Variants in CNTN6 observed in about 807,000 individuals in gnomAD.
The protein encoded by CNTN6 is contactin-6.
In CNTN6, 137 loss-of-function variants were observed where a neutral mutation model predicts 122.8. The ratio of observed to expected loss-of-function variants is 1.12; its 90% CI spans 0.97 to 1.29. The LOEUF is 1.29. Ranked by LOEUF, CNTN6 falls within the 50% of genes most tolerant of loss-of-function variation. The pLI is 0.00. For synonymous variants in CNTN6, 570 were observed against 426.0 expected (o/e 1.34, Z -4.16); for missense variants, 1,634 against 1,223.4 (o/e 1.34, Z -5.01).
chr3:1,146,630 G>T (rs1256862521), intron 1 of CNTN6, among the ~76,000 whole-genome samples: 4 of 151,496 alleles, frequency 2.6e-5, no homozygotes, highest in Admixed American at 6.6e-5. Context: ...CTCTGTTTTT[G>T]TTAAATGTCT....
At chr3:1,240,477 G>A (rs115705637) in intron 4 of CNTN6, among the ~76,000 whole-genome samples, 4,425 of 152,148 alleles carry the variant, frequency 0.029, 118 homozygotes, top group Admixed American at 0.055. Flanking sequence ...AATGCAATAC[G>A]ACCTCCCTCC....
At chr3:1,394,255 A>G (rs1157277896) in intron 20 of CNTN6, 2 of 234,520 alleles carry the variant, frequency 8.5e-6, no homozygotes, top group Non-Finnish European at 1.7e-5. Flanking sequence ...GCCAGGAACA[A>G]GACAGCCAGG....
intron 1 of CNTN6, among the ~76,000 whole-genome samples, chr3:1,099,985 A>G (rs1044861687): frequency 5.3e-5 from 8 of 152,296 alleles, no homozygotes; most frequent in African/African-American, 1.9e-4. Flanking sequence ...CATAAACAGG[A>G]CAATGACTTG....
At chr3:1,150,368 AT>A (rs967123178) in intron 2 of CNTN6, among the ~76,000 whole-genome samples, 34 of 152,204 alleles carry the variant, frequency 2.2e-4, no homozygotes, top group African/African-American at 6.0e-4. Context: ...AATTATTATA[AT>A]TTTTCTAACA....
intron 2 of CNTN6, among the ~76,000 whole-genome samples, chr3:1,212,755 G>T (rs997942237): frequency 4.8e-4 from 73 of 151,970 alleles, no homozygotes; most frequent in Non-Finnish European, 5.0e-4. Flanking sequence ...AACCAACATT[G>T]TTCTTGCTTT....
At chr3:1,134,210 C>G (rs549851558) in intron 1 of CNTN6, among the ~76,000 whole-genome samples, 1 of 152,214 alleles carries the variant, frequency 6.6e-6, no homozygotes, top group East Asian at 1.9e-4. Context: ...TCCTTTTGGC[C>G]ACAGCATCTC....
intron 2 of CNTN6, among the ~76,000 whole-genome samples, chr3:1,212,667 C>A (rs894853301): frequency 6.6e-6 from 1 of 151,852 alleles, no homozygotes; most frequent in Non-Finnish European, 1.5e-5. Context: ...TCTTAAAGCA[C>A]AAGTATTTGA....
chr3:1,319,674 G>A (rs1363613644), intron 7 of CNTN6, among the ~76,000 whole-genome samples: 1 of 151,298 alleles, frequency 6.6e-6, no homozygotes, highest in African/African-American at 2.4e-5. Flanking sequence ...ATAAATCTCA[G>A]AGATTTGCTG....
rs2094303784 is a variant in CNTN6, at chr3:1,227,816, A to C, written c.183-2A>C. ...AGCACTTTATTTTTTTTTTCCTTGA[A>C]GGTGGAAGCAAAATGGCACAGACAT... On this transcript the variant is annotated splice_acceptor_variant, in intron 3 of 22. Transcript: ENST00000446702. LOFTEE classifies it high-confidence loss of function. The C allele has an allele frequency of 5.0e-6, 8 of 1,609,970 alleles. No individual in the cohort carries two copies. Among genetic ancestry groups the C allele is most frequent in the Non-Finnish European group, 6.8e-6 (8 of 1,178,906 alleles).
chr3:1,372,118 C>T (rs1163805166), intron 12 of CNTN6, among the ~76,000 whole-genome samples, 181 bp from the exon 13 acceptor site: 1 of 151,910 alleles, frequency 6.6e-6, no homozygotes, highest in African/African-American at 2.4e-5. Context: ...AAGTAATAAG[C>T]TACAATAATA....
At chr3:1,103,957 C>G (rs530722961) in intron 1 of CNTN6, among the ~76,000 whole-genome samples, 1 of 151,834 alleles carries the variant, frequency 6.6e-6, no homozygotes, top group African/African-American at 2.4e-5. Flanking sequence ...AATAATTTAA[C>G]GTACTAAATT....
At chr3:1,308,715 G>C (rs760139907) in intron 7 of CNTN6, among the ~76,000 whole-genome samples, 2 of 151,924 alleles carry the variant, frequency 1.3e-5, no homozygotes, top group Non-Finnish European at 2.9e-5. Flanking sequence ...TCCACACAGT[G>C]CTGTCCCATT....
At chr3:1,175,970 TAAA>T (rs1315678549) in intron 2 of CNTN6, among the ~76,000 whole-genome samples, 1 of 152,134 alleles carries the variant, frequency 6.6e-6, no homozygotes, top group East Asian at 1.9e-4. Flanking sequence ...TTTTCTGAAA[TAAA>T]AAAGGAGAGA....
chr3:1,097,087 G>A (rs1006402460), intron 1 of CNTN6, among the ~76,000 whole-genome samples: 1 of 152,124 alleles, frequency 6.6e-6, no homozygotes, highest in Non-Finnish European at 1.5e-5. Flanking sequence ...TTCTAGTTAA[G>A]ACTGAGTTCA....
At position 1,198,710 on chromosome 3, in the gene CNTN6, GA is replaced by G. The variant is rs530881950; in HGVS notation, c.56-21974del. Among the ~76,000 whole-genome samples, 363 of 142,182 alleles carry G rather than the reference GA, an allele frequency of 2.6e-3. 1 individual carries two copies. The highest frequency in any genetic ancestry group is 9.0e-3 in the African/African-American group (327 of 36,502). The allele number at this position is 142,182 out of a possible 152,430, so 93.3% of individuals were successfully genotyped here. ...GCACTCCAGCCTGGGCAACAAGAAC[GA>G]AACTGTCTCAAACAAAAAAAAAAAA... On this transcript the variant is annotated intron_variant, in intron 2 of 22. Transcript: ENST00000446702.
chr3:1,202,865 A>G, intron 2 of CNTN6, among the ~76,000 whole-genome samples: 1 of 152,210 alleles, frequency 6.6e-6, no homozygotes, highest in East Asian at 1.9e-4. Context: ...TTATCTTTTT[A>G]CTGAGAGGAA....
intron 19 of CNTN6, among the ~76,000 whole-genome samples, chr3:1,385,175 G>T (rs1478190521): frequency 6.6e-6 from 1 of 151,634 alleles, no homozygotes; most frequent in Non-Finnish European, 1.5e-5. Context: ...CTAATGCAAA[G>T]GTAGGGTTCA....
intron 4 of CNTN6, among the ~76,000 whole-genome samples, chr3:1,242,066 G>A (rs1374422828): frequency 2.0e-5 from 3 of 152,220 alleles, no homozygotes; most frequent in Admixed American, 1.3e-4. Flanking sequence ...AGTCGGACAC[G>A]ATTGGCAGGG....
intron 4 of CNTN6, among the ~76,000 whole-genome samples, chr3:1,255,471 A>G (rs569208659): frequency 1.6e-4 from 24 of 151,984 alleles, no homozygotes; most frequent in Admixed American, 6.6e-4. Flanking sequence ...CCTATTGAGG[A>G]AAAAAGGGAA....
Sources: allele counts gnomAD v4.1 joint callset (sites outside exome capture counted in the v4.1 genomes callset), GRCh38; gene constraint gnomAD v4.1.1; transcripts MANE v1.5; gene names NCBI Gene and HGNC (gene_info 2026-07-23, HGNC 2026-07-21).